MCTP1: variants seen among roughly 807,000 people sequenced by gnomAD.
The protein encoded by MCTP1 is multiple C2 and transmembrane domain containing 1.
Under a neutral mutation model 120.6 loss-of-function variants are expected in MCTP1, and 69 were observed. The observed-to-expected ratio is 0.57, with a 90% CI of 0.47 to 0.70. The LOEUF (loss-of-function observed/expected upper bound fraction) is 0.70, where lower values mean the gene tolerates loss of function less well. Ranked by LOEUF, MCTP1 falls within the 30% of genes least tolerant of loss-of-function variation. The pLI is 0.00. For synonymous variants in MCTP1, 529 were observed against 493.1 expected (o/e 1.07, Z -0.96); for missense variants, 1,203 against 1,248.8 (o/e 0.96, Z 0.55).
intron 1 of MCTP1, among the ~76,000 whole-genome samples, chr5:95,270,656 A>G (rs465847): frequency 0.86 from 130,496 of 151,964 alleles, 56,166 homozygotes; most frequent in African/African-American, 0.92. Context: ...CGGGCCGGGC[A>G]TATTGACTCA....
intron 21 of MCTP1, chr5:94,710,414 T>TA (rs1756478803): frequency 5.6e-6 from 1 of 178,616 alleles, no homozygotes; most frequent in African/African-American, 2.4e-5. Flanking sequence ...CAGCCATGTA[T>TA]AGTACCATGT....
chr5:95,035,704 AC>A (rs1841171709), intron 1 of MCTP1, among the ~76,000 whole-genome samples: 1 of 152,102 alleles, frequency 6.6e-6, no homozygotes, highest in African/African-American at 2.4e-5. Context: ...CTGCATATGT[AC>A]CTCTTGAATG....
intron 10 of MCTP1, 79 bp from the exon 11 acceptor site, chr5:94,894,914 A>G: frequency 1.2e-6 from 1 of 832,232 alleles, no homozygotes; most frequent in South Asian, 2.2e-5. Context: ...GAGTTCTATG[A>G]AACATAAATC....
At chr5:94,721,295 A>AAT (rs1361384588) in intron 19 of MCTP1, among the ~76,000 whole-genome samples, 1 of 152,180 alleles carries the variant, frequency 6.6e-6, no homozygotes, top group African/African-American at 2.4e-5. Context: ...CAAATATTAA[A>AAT]TGCAGGACCT....
intron 1 of MCTP1, among the ~76,000 whole-genome samples, chr5:95,115,590 CAAAAGAA>C (rs1757766770): frequency 6.7e-6 from 1 of 150,270 alleles, no homozygotes; most frequent in Non-Finnish European, 1.5e-5. Flanking sequence ...TCAGAGGAGA[CAAAAGAA>C]AAAAGAATAA....
chr5:95,130,743 G>A (rs1582317191), intron 1 of MCTP1, among the ~76,000 whole-genome samples: 2 of 152,054 alleles, frequency 1.3e-5, no homozygotes, highest in African/African-American at 4.8e-5. Context: ...CCAATCATAC[G>A]GGATTATCAC....
chr5:94,773,421 T>C (rs1774541926), intron 19 of MCTP1, among the ~76,000 whole-genome samples: 1 of 152,196 alleles, frequency 6.6e-6, no homozygotes, highest in South Asian at 2.1e-4. Context: ...AATTTTGCTC[T>C]AGAGCATGGG....
intron 1 of MCTP1, among the ~76,000 whole-genome samples, chr5:95,111,564 T>C (rs541985353): frequency 2.0e-5 from 3 of 152,302 alleles, no homozygotes; most frequent in Admixed American, 6.5e-5. Flanking sequence ...AAAAGGAATT[T>C]CACCCATTTT....
chr5:94,766,765 A>G (rs1246229748), intron 19 of MCTP1, among the ~76,000 whole-genome samples: 2 of 152,188 alleles, frequency 1.3e-5, no homozygotes, highest in Admixed American at 6.5e-5. Context: ...TGAATAGGCC[A>G]ATAAGAAATA....
chr5:94,979,786 C>T (rs541738958), intron 2 of MCTP1, among the ~76,000 whole-genome samples: 11 of 152,074 alleles, frequency 7.2e-5, no homozygotes, highest in South Asian at 2.1e-4. Flanking sequence ...CCCTCCAACA[C>T]GGACACATAT....
At chr5:95,041,148 T>C (rs1842282822) in intron 1 of MCTP1, among the ~76,000 whole-genome samples, 2 of 151,994 alleles carry the variant, frequency 1.3e-5, no homozygotes, top group South Asian at 4.1e-4. Context: ...ACAAATTTTG[T>C]CTGAATTGTT....
At chr5:94,766,922 G>T (rs967454758) in intron 19 of MCTP1, among the ~76,000 whole-genome samples, 1 of 151,920 alleles carries the variant, frequency 6.6e-6, no homozygotes, top group African/African-American at 2.4e-5. Flanking sequence ...TCTTCCTAAC[G>T]CATTCTATGA....
intron 1 of MCTP1, among the ~76,000 whole-genome samples, chr5:95,238,696 C>G (rs1755829012): frequency 6.6e-6 from 1 of 152,144 alleles, no homozygotes; most frequent in Admixed American, 6.5e-5. Context: ...CACTAGTCGC[C>G]TGATACCAAG....
rs556415325 is a variant in MCTP1, at chr5:94,889,258, A to G, written c.1840-286T>C. On this transcript the variant is annotated intron_variant, in intron 11 of 22. Coordinates refer to ENST00000515393, the MANE Select transcript of MCTP1 (RefSeq NM_024717.7). Reference sequence around the variant, plus strand: ...AAGTAGTTTTACATAAGCAAAATACATACAGTATCTTTTAAAATAAATCAA... The same window carrying G: ...AAGTAGTTTTACATAAGCAAAATACGTACAGTATCTTTTAAAATAAATCAA... 3.3e-5 allele frequency among the ~76,000 whole-genome samples: 5 copies of G among 152,322 alleles called. No homozygotes were observed. The South Asian group carries it at 8.3e-4, about 25-fold the overall frequency.
At chr5:95,063,702 TC>T (rs1749863144) in intron 1 of MCTP1, among the ~76,000 whole-genome samples, 1 of 152,192 alleles carries the variant, frequency 6.6e-6, no homozygotes, top group African/African-American at 2.4e-5. Context: ...ATGCGAGAGA[TC>T]CTTCTGCCTC....
intron 1 of MCTP1, among the ~76,000 whole-genome samples, chr5:95,181,691 C>G (rs181603953): frequency 6.6e-6 from 1 of 152,266 alleles, no homozygotes; most frequent in East Asian, 1.9e-4. Context: ...AAACCCTAGT[C>G]CCTCAACAGC....
intron 1 of MCTP1, among the ~76,000 whole-genome samples, chr5:95,037,396 A>C (rs1841527394): frequency 6.6e-6 from 1 of 152,232 alleles, no homozygotes; most frequent in Non-Finnish European, 1.5e-5. Context: ...AACCAGGTTA[A>C]ATCTACCTAT....
rs534172691 is a variant in MCTP1 at position 95,047,054 on chromosome 5, C to G, written c.721-29570G>C. On this transcript the variant is annotated intron_variant, in intron 1 of 22. Coordinates refer to ENST00000515393, the MANE Select transcript of MCTP1 (RefSeq NM_024717.7). The stretch of plus-strand genomic sequence containing the variant: ...AGAACAATGTCTGACATGGTGAGCA[C>G]TCTACAAATATTGAGTGAATAGAGG... Among the ~76,000 whole-genome samples, 194 of 152,266 alleles carry G rather than the reference C, an allele frequency of 1.3e-3. 4 individuals carry two copies. The highest frequency in any genetic ancestry group is 5.0e-4 in the Non-Finnish European group (34 of 68,010).
chr5:94,922,997 C>CAAAAAAAAAAAAAAAAAAAA (rs202245253), intron 7 of MCTP1, among the ~76,000 whole-genome samples: 3 of 99,548 alleles, frequency 3.0e-5, no homozygotes, highest in Non-Finnish European at 6.0e-5. Context: ...TAAAAAGCTG[C>CAAAAAAAAAAAAAAAAAAAA]AAAAAAAAAA....
Sources: allele counts gnomAD v4.1 joint callset (sites outside exome capture counted in the v4.1 genomes callset), GRCh38; gene constraint gnomAD v4.1.1; transcripts MANE v1.5; gene names NCBI Gene and HGNC (gene_info 2026-07-23, HGNC 2026-07-21).